Variants in KCNK5 observed in about 807,000 individuals in gnomAD.
KCNK5 encodes potassium two pore domain channel subfamily K member 5, also known as potassium channel subfamily K member 5.
In KCNK5, 18 loss-of-function variants were observed where a neutral mutation model predicts 32.9. The observed-to-expected ratio is 0.55, with a 90% CI of 0.38 to 0.81. The LOEUF (loss-of-function observed/expected upper bound fraction) is 0.81, where lower values mean the gene tolerates loss of function less well. Among genes scored for constraint, KCNK5 ranks in the 30% least tolerant of loss-of-function variants. The pLI is 0.00. For synonymous variants in KCNK5, 276 were observed against 275.3 expected (o/e 1.00, Z -0.03); for missense variants, 507 against 651.0 (o/e 0.78, Z 2.41).
chr6:39,199,400 C>T (rs768848794), intron 1 of KCNK5, among the ~76,000 whole-genome samples: 1 of 152,196 alleles, frequency 6.6e-6, no homozygotes, highest in Non-Finnish European at 1.5e-5. Flanking sequence ...AGCTGGCAGC[C>T]TCAGGCCCTG....
chr6:39,200,542 C>T (rs1583708030), intron 1 of KCNK5, among the ~76,000 whole-genome samples: 1 of 152,238 alleles, frequency 6.6e-6, no homozygotes, highest in East Asian at 1.9e-4. Flanking sequence ...AAGACTAGAA[C>T]CCAGGCCCAT....
At chr6:39,217,467 A>G (rs12202900) in intron 1 of KCNK5, among the ~76,000 whole-genome samples, 28,438 of 152,148 alleles carry the variant, frequency 0.19, 3,217 homozygotes, top group Admixed American at 0.24. Flanking sequence ...ATCCCCTTTC[A>G]GCTCATCTCT....
intron 1 of KCNK5, among the ~76,000 whole-genome samples, chr6:39,217,831 A>T (rs1771468652): frequency 6.6e-6 from 1 of 152,128 alleles, no homozygotes; most frequent in Non-Finnish European, 1.5e-5. Context: ...GAGGCATCGG[A>T]TCCTTTCTGC....
intron 1 of KCNK5, among the ~76,000 whole-genome samples, chr6:39,208,901 C>T (rs893784920): frequency 6.6e-6 from 1 of 152,170 alleles, no homozygotes; most frequent in African/African-American, 2.4e-5. Flanking sequence ...ACCAGCCTGA[C>T]CAACATGGTG....
At position 39,203,817 on chromosome 6, in the gene KCNK5, C is replaced by T. The variant is rs528452687; in HGVS notation, c.187-7830G>A. Among the ~76,000 whole-genome samples the T allele has an allele frequency of 6.2e-4, 95 of 152,356 alleles. No individual in the cohort carries two copies. The Middle Eastern group carries it at 0.01, about 16-fold the overall frequency. ...GTGATTCTAATATGCAGGGGCTGCCCTAGTGGAAGCTGACAGGGGGAGGGA... is the reference window on the plus strand; with the variant it reads ...GTGATTCTAATATGCAGGGGCTGCCTTAGTGGAAGCTGACAGGGGGAGGGA... On this transcript the variant is annotated intron_variant, in intron 1 of 4. Transcript: ENST00000359534.
In KCNK5 at chr6:39,228,938, G is replaced by C; in HGVS notation, c.174C>G (p.Asp58Glu). ...EFPCLGQEGL[D>E]KILEVVSDAA... Reference sequence around the variant, plus strand: ...GGCGGCGACTGACCTCTAGGATCTTGTCCAGGCCCTCCTGACCCAGGCACG... The same window carrying C: ...GGCGGCGACTGACCTCTAGGATCTTCTCCAGGCCCTCCTGACCCAGGCACG... The change falls in exon 1 of 5, where the codon GAC (aspartate) becomes GAG (glutamate). Residue 58 changes from aspartate (D) to glutamate (E), a missense_variant. Coordinates refer to ENST00000359534, the MANE Select transcript of KCNK5 (RefSeq NM_003740.4). 2 of 1,614,178 alleles carry C rather than the reference G, an allele frequency of 1.2e-6. No homozygotes were observed. The highest frequency in any genetic ancestry group is 1.7e-6 in the Non-Finnish European group (2 of 1,180,020).
intron 1 of KCNK5, among the ~76,000 whole-genome samples, chr6:39,214,468 C>T (rs540930462): frequency 6.6e-4 from 100 of 152,264 alleles, no homozygotes; most frequent in South Asian, 1.7e-3. Context: ...GATTGTTTCC[C>T]AGGAGGTGGG....
At position 39,190,406 on chromosome 6, in the gene KCNK5, C is replaced by T. The variant is rs1770899876; in HGVS notation, c.*484G>A. 1 of 153,086 alleles carries T rather than the reference C, an allele frequency of 6.5e-6. No homozygotes were observed. The highest frequency in any genetic ancestry group is 2.1e-4 in the South Asian group (1 of 4,850). The allele number at this position is 153,086 out of a possible 1,614,324, so 9.5% of individuals were successfully genotyped here. A position where few individuals can be genotyped will look rare whatever the true frequency, so the allele number is the denominator to read the frequency against. On this transcript the variant is annotated 3_prime_UTR_variant, in exon 5 of 5. Transcript: ENST00000359534. ...AGCTGGGATGCGGGCGGGCCCTGCT[C>T]CTGCTGTGGTACGGAAACACCTGAC... is the stretch of plus-strand genomic sequence containing the variant.
At chr6:39,222,582 G>C (rs1157906470) in intron 1 of KCNK5, among the ~76,000 whole-genome samples, 1 of 152,190 alleles carries the variant, frequency 6.6e-6, no homozygotes. Flanking sequence ...CTGGCCTGTG[G>C]CTACAGCCTG....
intron 1 of KCNK5, among the ~76,000 whole-genome samples, chr6:39,202,661 G>T (rs1156362488): frequency 1.3e-5 from 2 of 152,166 alleles, no homozygotes; most frequent in Non-Finnish European, 2.9e-5. Flanking sequence ...AGAGTCAATA[G>T]AAATTGCACA....
Position 39,191,409 on chromosome 6 carries a change from C to T in KCNK5, c.981G>A (p.Leu327=), listed in dbSNP as rs953949947. The T allele has an allele frequency of 4.3e-6, 7 of 1,613,328 alleles. No homozygotes were observed. In the Admixed American group the frequency reaches 1.2e-4, roughly 27 times the overall value. The part of the protein sequence containing the change: ...GGGETGPGPG[L]GPQGGGLPAL... ...CTGGGAGCCCACCGCCTTGAGGCCC[C>T]AGCCCTGGGCCCGGGCCCGTCTCCC... is the stretch of plus-strand genomic sequence containing the variant. The change falls in exon 5 of 5, where the codon CTG becomes CTA. Residue 327 remains leucine, a synonymous_variant. Transcript: ENST00000359534. The surrounding 1 kb of genome is among the most constrained non-coding windows in gnomAD (Gnocchi z 5.8).
In KCNK5 at chr6:39,190,495, A is replaced by C; in HGVS notation, c.*395T>G. ...CCCTCTCCAAATGCCGAGCTCAGTA[A>C]TACCGGTAAACTTAAACAGCTGAGG... On this transcript the variant is annotated 3_prime_UTR_variant, in exon 5 of 5. Coordinates refer to ENST00000359534, the MANE Select transcript of KCNK5 (RefSeq NM_003740.4). The C allele has an allele frequency of 6.1e-6, 1 of 163,252 alleles. No homozygotes were observed. The highest frequency in any genetic ancestry group is 1.3e-5 in the Non-Finnish European group (1 of 75,632). The allele number at this position is 163,252 out of a possible 1,614,324, so 10.1% of individuals were successfully genotyped here. A position where few individuals can be genotyped will look rare whatever the true frequency, so the allele number is the denominator to read the frequency against.
At position 39,191,794 on chromosome 6, in the gene KCNK5, C is replaced by A; in HGVS notation, c.635-39G>T. The A allele has an allele frequency of 6.3e-7, 1 of 1,586,016 alleles. No homozygotes were observed. Among genetic ancestry groups the A allele is most frequent in the Non-Finnish European group, 8.6e-7 (1 of 1,164,778 alleles). On this transcript the variant is annotated intron_variant, in intron 4 of 4. Coordinates refer to ENST00000359534, the MANE Select transcript of KCNK5 (RefSeq NM_003740.4). This position sits in a 1 kb window ranked among gnomAD's most constrained non-coding sequence, Gnocchi z 5.8. ...CAGTCCAGAGGTCAGGAAGAGTTAG[C>A]AGGGCCCGGGAAATGTGCAATGGCC...
At chr6:39,226,705 C>T (rs1771677517) in intron 1 of KCNK5, among the ~76,000 whole-genome samples, 1 of 152,162 alleles carries the variant, frequency 6.6e-6, no homozygotes, top group Non-Finnish European at 1.5e-5. Context: ...AGGCAGTACC[C>T]CAAGTCACAA....
chr6:39,208,667 CAGGGGGGG>C (rs1771273298), intron 1 of KCNK5, among the ~76,000 whole-genome samples: 1 of 152,220 alleles, frequency 6.6e-6, no homozygotes, highest in African/African-American at 2.4e-5. Flanking sequence ...GCATTCTGTG[CAGGGGGGG>C]AGGGGGCTTT....
intron 1 of KCNK5, among the ~76,000 whole-genome samples, chr6:39,220,690 T>C (rs1195230735): frequency 1.3e-5 from 2 of 152,186 alleles, no homozygotes; most frequent in Non-Finnish European, 2.9e-5. Flanking sequence ...ATGGGTTTTA[T>C]CATGTTCCCT....
intron 1 of KCNK5, among the ~76,000 whole-genome samples, chr6:39,208,370 G>C (rs1163271947): frequency 3.9e-5 from 6 of 152,140 alleles, no homozygotes; most frequent in Non-Finnish European, 8.8e-5. Flanking sequence ...CCCCCAGGGA[G>C]CTCATTCAAG....
chr6:39,222,822 T>C (rs1213243864), intron 1 of KCNK5, among the ~76,000 whole-genome samples: 1 of 152,184 alleles, frequency 6.6e-6, no homozygotes, highest in Non-Finnish European at 1.5e-5. Context: ...TTAGGAGACA[T>C]CTAAAGTAGT....
intron 1 of KCNK5, among the ~76,000 whole-genome samples, chr6:39,215,754 C>A (rs11969389): frequency 0.052 from 7,887 of 152,252 alleles, 506 homozygotes; most frequent in African/African-American, 0.15. Context: ...GCAGGTCAGA[C>A]AGAAACACAG....
Sources: allele counts gnomAD v4.1 joint callset (sites outside exome capture counted in the v4.1 genomes callset), GRCh38; gene constraint gnomAD v4.1.1; non-coding constraint Gnocchi (gnomAD v3.1); transcripts MANE v1.5; gene names NCBI Gene and HGNC (gene_info 2026-07-23, HGNC 2026-07-21).